SUGCT: variants seen among roughly 807,000 people sequenced by gnomAD.
SUGCT encodes the protein succinyl-CoA:glutarate CoA-transferase.
Under a neutral mutation model 55.0 loss-of-function variants are expected in SUGCT, and 41 were observed. The ratio of observed to expected loss-of-function variants is 0.74; its 90% CI spans 0.58 to 0.97. SUGCT has a LOEUF of 0.97. Among genes scored for constraint, SUGCT ranks in the 50% least tolerant of loss-of-function variants. The pLI is 0.00. For synonymous variants in SUGCT, 187 were observed against 200.4 expected (o/e 0.93, Z 0.56); for missense variants, 568 against 547.8 (o/e 1.04, Z -0.37).
At chr7:40,780,022 C>G (rs1440268623) in intron 13 of SUGCT, among the ~76,000 whole-genome samples, 8 of 152,132 alleles carry the variant, frequency 5.3e-5, no homozygotes, top group African/African-American at 1.9e-4. Context: ...TTAATTGAAA[C>G]TCTAATGGTT....
chr7:40,745,442 C>A (rs1002528212), intron 12 of SUGCT, among the ~76,000 whole-genome samples: 1 of 152,144 alleles, frequency 6.6e-6, no homozygotes, highest in South Asian at 2.1e-4. Flanking sequence ...TTATTTCCCA[C>A]GTTACTTTAA....
chr7:40,388,582 A>T (rs1453944300), intron 9 of SUGCT, among the ~76,000 whole-genome samples: 3 of 151,838 alleles, frequency 2.0e-5, no homozygotes, highest in African/African-American at 7.3e-5. Flanking sequence ...TGCATGGCTC[A>T]TTTTTGCATT....
chr7:40,294,232 G>A (rs1486933481), intron 8 of SUGCT, among the ~76,000 whole-genome samples: 1 of 152,086 alleles, frequency 6.6e-6, no homozygotes, highest in Non-Finnish European at 1.5e-5. Context: ...TTACAGGCTT[G>A]AGCTACCGCG....
chr7:40,282,992 G>A (rs988339035), intron 8 of SUGCT, among the ~76,000 whole-genome samples: 2 of 151,716 alleles, frequency 1.3e-5, no homozygotes, highest in Non-Finnish European at 2.9e-5. Context: ...ATTTGGATAT[G>A]AGCCCAAAAA....
At chr7:40,217,770 G>A (rs1787758139) in intron 6 of SUGCT, among the ~76,000 whole-genome samples, 3 of 152,252 alleles carry the variant, frequency 2.0e-5, no homozygotes, top group Admixed American at 6.5e-5. Context: ...GTTACCCTTG[G>A]AACATCTTGC....
the SUGCT span, among the ~76,000 whole-genome samples, chr7:41,031,744 T>C: frequency 6.6e-6 from 1 of 152,174 alleles, no homozygotes; most frequent in Non-Finnish European, 1.5e-5. Flanking sequence ...CCCACTCATC[T>C]CTATTACCTT....
In SUGCT at chr7:40,743,894, T is replaced by C. The variant is rs1787596211; in HGVS notation, c.1090-5540T>C. On this transcript the variant is annotated intron_variant, in intron 12 of 13. Transcript: ENST00000335693. ...ATCCCCTTTTTACTAATAAAGATTC[T>C]TTTTTTAAATTTTCTATTTTTAAAA... 3.3e-5 allele frequency among the ~76,000 whole-genome samples: 5 copies of C among 152,082 alleles called. No homozygotes were observed. In the South Asian group the frequency reaches 1.0e-3, roughly 32 times the overall value.
chr7:40,406,964 TATG>T (rs1355577465), intron 9 of SUGCT, among the ~76,000 whole-genome samples: 1 of 152,080 alleles, frequency 6.6e-6, no homozygotes, highest in African/African-American at 2.4e-5. Flanking sequence ...AACTGGGAAA[TATG>T]ATGATAGTCT....
At chr7:40,833,942 G>A (rs1340337242) in intron 13 of SUGCT, among the ~76,000 whole-genome samples, 1 of 152,166 alleles carries the variant, frequency 6.6e-6, no homozygotes, top group African/African-American at 2.4e-5. Flanking sequence ...ATTAGAAATT[G>A]TTTTCAGCAT....
At position 40,443,920 on chromosome 7, in the gene SUGCT, C is replaced by T. The variant is rs553962642; in HGVS notation, c.817-5367C>T. ...TTGTATAAGGTGTAAGGAAGGGACC[C>T]AGTTTCAGCTTTCTACATATGGCTA... On this transcript the variant is annotated intron_variant, in intron 9 of 13. Transcript: ENST00000335693. 9.2e-5 allele frequency among the ~76,000 whole-genome samples: 14 copies of T among 152,234 alleles called. No homozygotes were observed. In the East Asian group the frequency reaches 2.7e-3, roughly 29 times the overall value.
At position 40,684,994 on chromosome 7, in the gene SUGCT, A is replaced by G. The variant is rs1784403654; in HGVS notation, c.1090-64440A>G. On this transcript the variant is annotated intron_variant, in intron 12 of 13. Transcript: ENST00000335693. ...TACAGGCATGTGCCATTGTGCCTGG[A>G]TAATTTTTGTGTGTGTTTATTTTTT... Among the ~76,000 whole-genome samples the G allele has an allele frequency of 2.6e-5, 4 of 151,998 alleles. No homozygotes were observed. In the South Asian group the frequency reaches 8.3e-4, roughly 32 times the overall value.
chr7:40,640,583 C>T (rs1349574018), intron 12 of SUGCT, among the ~76,000 whole-genome samples: 1 of 152,172 alleles, frequency 6.6e-6, no homozygotes, highest in African/African-American at 2.4e-5. Context: ...CTTTTGGCAG[C>T]TAGTAACGAT....
chr7:40,588,726 T>G (rs1470820010), intron 12 of SUGCT, among the ~76,000 whole-genome samples: 5 of 152,228 alleles, frequency 3.3e-5, no homozygotes, highest in Non-Finnish European at 7.3e-5. Flanking sequence ...TAAAATAGTG[T>G]CACTAGGGAA....
chr7:40,242,933 A>ATTTTTT lies in SUGCT; in HGVS notation c.576+5231_576+5236dup, dbSNP rs70996894. ...TATATATATATATATATATATATAT[A>ATTTTTT]TTTTTTTTTTTTTTTTTTTTTTTTT... On this transcript the variant is annotated intron_variant, in intron 7 of 13. Transcript: ENST00000335693. Among the ~76,000 whole-genome samples, 153 of 17,216 alleles carry ATTTTTT rather than the reference A, an allele frequency of 8.9e-3. 31 individuals are homozygous for ATTTTTT. The highest frequency in any genetic ancestry group is 0.014 in the Non-Finnish European group (125 of 8,628). The allele number at this position is 17,216 out of a possible 152,430, so 11.3% of individuals were successfully genotyped here.
the SUGCT span, among the ~76,000 whole-genome samples, chr7:40,873,574 C>A: frequency 6.6e-6 from 1 of 152,212 alleles, no homozygotes; most frequent in Non-Finnish European, 1.5e-5. Context: ...TCAGTCATTC[C>A]TGCCCTTTCT....
At chr7:40,564,462 C>T (rs900673338) in intron 12 of SUGCT, among the ~76,000 whole-genome samples, 2 of 152,170 alleles carry the variant, frequency 1.3e-5, no homozygotes, top group Admixed American at 1.3e-4. Context: ...ATTCAACCAC[C>T]GTCATGTCAT....
At chr7:40,965,862 GA>G in the SUGCT span, 1 of 152,148 alleles carries the variant, frequency 6.6e-6, no homozygotes, top group Non-Finnish European at 1.5e-5. Context: ...TTAATTTGCT[GA>G]TATCATGAAT....
At chr7:40,584,167 G>A (rs1797250710) in intron 12 of SUGCT, among the ~76,000 whole-genome samples, 1 of 152,080 alleles carries the variant, frequency 6.6e-6, no homozygotes, top group Non-Finnish European at 1.5e-5. Flanking sequence ...CATTGATGTG[G>A]GTGTGTCCTT....
chr7:40,630,050 A>G (rs1799717262), intron 12 of SUGCT, among the ~76,000 whole-genome samples: 1 of 152,150 alleles, frequency 6.6e-6, no homozygotes, highest in African/African-American at 2.4e-5. Flanking sequence ...TTGCTTCATG[A>G]TTTTAAATTT....
Sources: gnomAD v4.1 joint callset for allele counts (sites outside exome capture counted in the v4.1 genomes callset) on GRCh38, gnomAD v4.1.1 for gene constraint, MANE v1.5 for transcripts, NCBI Gene and HGNC (gene_info 2026-07-23, HGNC 2026-07-21) for gene names.